The following HEATR6 variants were observed in gnomAD, a reference collection of about 807,000 sequenced individuals.
HEATR6 encodes the protein HEAT repeat-containing protein 6.
HEATR6 carries 106 observed loss-of-function variants against 132.8 expected under a neutral mutation model. The ratio of observed to expected loss-of-function variants is 0.80; its 90% confidence interval spans 0.68 to 0.94. HEATR6 has a LOEUF of 0.94. Ranked by LOEUF, HEATR6 falls within the 40% of genes least tolerant of loss-of-function variation. The pLI is 0.00. For missense variants in HEATR6, 1,339 were observed against 1,425.1 expected (o/e 0.94, Z 0.97); for synonymous variants, 529 against 537.8 (o/e 0.98, Z 0.23).
intron 7 of HEATR6, 83 bp from the exon 8 acceptor site, chr17:60,067,815 G>A (rs986932149): frequency 7.1e-6 from 8 of 1,132,548 alleles, no homozygotes; most frequent in Non-Finnish European, 8.8e-6. Context: ...TCATTTTAAA[G>A]TGACTAAATA....
In HEATR6 at chr17:60,046,165, T is replaced by C; in HGVS notation, c.2834A>G (p.Glu945Gly). ...AATGATTTCTGCAAATGTGGGTTTT[T>C]CTATATGAGAGGGTTGCAGAAAATG... Reference protein sequence around the residue: ...LLHFLQPSHIEKPTFAEIIEE... With the variant: ...LLHFLQPSHIGKPTFAEIIEE... Residue 945 changes from glutamate (E) to glycine (G), a missense_variant, in exon 19 of 20, where the codon GAA (glutamate) becomes GGA (glycine). Transcript: ENST00000184956. 1 of 1,614,082 alleles carries C rather than the reference T, an allele frequency of 6.2e-7. No homozygotes were observed. The highest frequency in any genetic ancestry group is 8.5e-7 in the Non-Finnish European group (1 of 1,179,980).
chr17:60,075,840 C>CA (rs772457086), intron 2 of HEATR6: 1,702 of 61,016 alleles, frequency 0.028, 10 homozygotes, highest in African/African-American at 0.053. Flanking sequence ...AACTCTGTCT[C>CA]AAAAAAAAAA....
chr17:60,075,289 G>A lies in HEATR6; in HGVS notation c.327+841C>T, dbSNP rs73994290. 5.0e-3 allele frequency among the ~76,000 whole-genome samples: 763 copies of A among 152,320 alleles called. 4 individuals carry two copies. The highest frequency in any genetic ancestry group is 0.017 in the African/African-American group (713 of 41,566). On this transcript the variant is annotated intron_variant, in intron 2 of 19. Transcript: ENST00000184956. Reference sequence around the variant, plus strand: ...TGCTGAGGACGGTGAAGGGAAAGATGAGCCTCTTATTATTAAGGGGCTACA... The same window carrying A: ...TGCTGAGGACGGTGAAGGGAAAGATAAGCCTCTTATTATTAAGGGGCTACA...
chr17:60,073,311 G>A, intron 3 of HEATR6, 32 bp from the exon 4 acceptor site: 1 of 1,237,920 alleles, frequency 8.1e-7, no homozygotes, highest in Non-Finnish European at 1.2e-6. Flanking sequence ...GTAGGTCAAA[G>A]AAAAGCTTCT....
intron 16 of HEATR6, 54 bp downstream of exon 16, chr17:60,049,526 G>A: frequency 6.2e-7 from 1 of 1,602,150 alleles, no homozygotes; most frequent in Non-Finnish European, 8.5e-7. Context: ...CACAAAATAG[G>A]GGTGTCATGG....
At chr17:60,051,561 C>T (rs1906577845) in intron 14 of HEATR6, among the ~76,000 whole-genome samples, 1 of 152,180 alleles carries the variant, frequency 6.6e-6, no homozygotes, top group Non-Finnish European at 1.5e-5. Context: ...GGGCCTGGTA[C>T]ACAGTGGACA....
rs372599365 is a variant in HEATR6, at chr17:60,043,901, T to G, written c.3208A>C (p.Thr1070Pro). The change falls in exon 20 of 20, where the codon ACC (threonine) becomes CCC (proline). Residue 1070 changes from threonine (T) to proline (P), a missense_variant. Physicochemically the swap from Thr to Pro is conservative, Grantham distance 38. Transcript: ENST00000184956. ...TGAATCAGTGCCTGGCAGATTTGGG[T>G]CCGTAGGCTGACACAGTACTTGAAT... Reference protein sequence around the residue: ...LEFKYCVSLRTQICQALIHLL... With the variant: ...LEFKYCVSLRPQICQALIHLL... The G allele has an allele frequency of 2.5e-6, 4 of 1,614,172 alleles. No individual in the cohort carries two copies. The highest frequency in any genetic ancestry group is 3.4e-6 in the Non-Finnish European group (4 of 1,180,010).
At position 60,043,597 on chromosome 17, in the gene HEATR6, G is replaced by A; in HGVS notation, c.3512C>T (p.Ser1171Leu). The change falls in exon 20 of 20, where the codon TCA becomes TTA. Residue 1171 changes from serine to leucine, a missense_variant. Transcript: ENST00000184956. The part of the protein sequence containing the change: ...ILAVCFDSSG[S>L]QGALPGLTNQ Reference sequence around the variant, plus strand: ...TGTTAACCCTGGGAGTGCCCCTTGTGATCCAGATGAGTCAAAACAAACGGC... The same window carrying A: ...TGTTAACCCTGGGAGTGCCCCTTGTAATCCAGATGAGTCAAAACAAACGGC... 1.9e-6 allele frequency: 3 copies of A among 1,613,740 alleles called. No homozygotes were observed. The highest frequency in any genetic ancestry group is 2.5e-6 in the Non-Finnish European group (3 of 1,179,722).
At chr17:60,071,000 C>T (rs1253001629) in intron 5 of HEATR6, among the ~76,000 whole-genome samples, 193 bp from the exon 6 acceptor site, 9 of 152,074 alleles carry the variant, frequency 5.9e-5, no homozygotes, top group Non-Finnish European at 1.0e-4. Context: ...ACCATGAATT[C>T]TTTTCTAGAA....
At chr17:60,052,754 C>G (rs958571898) in intron 14 of HEATR6, among the ~76,000 whole-genome samples, 1 of 152,138 alleles carries the variant, frequency 6.6e-6, no homozygotes, top group African/African-American at 2.4e-5. Flanking sequence ...GGTGTGGTCA[C>G]ATGCCCTTCA....
At chr17:60,076,400 T>C in intron 1 of HEATR6, 163 bp from the exon 2 acceptor site, 3 of 572,698 alleles carry the variant, frequency 5.2e-6, no homozygotes, top group Non-Finnish European at 9.3e-6. Context: ...AAAAACAGCA[T>C]GTGCTAAAAA....
At chr17:60,062,622 G>A (rs1031364636) in intron 9 of HEATR6, among the ~76,000 whole-genome samples, 2 of 152,108 alleles carry the variant, frequency 1.3e-5, no homozygotes, top group African/African-American at 2.4e-5. Context: ...TTCCATGCAG[G>A]GCACATGACT....
At position 60,066,356 on chromosome 17, in the gene HEATR6, G is replaced by A. The variant is rs1447830540; in HGVS notation, c.1269C>T (p.Ala423=). 6 of 1,611,268 alleles carry A rather than the reference G, an allele frequency of 3.7e-6. No individual in the cohort carries two copies. The Admixed American group carries it at 6.7e-5, about 18-fold the overall frequency. ...RSYQAKVRQG[A]LVCFLSTIKS... is the part of the protein sequence containing the mutation. ...TTATAGTAGAAAGAAAACAAACTAA[G>A]GCTCCTTGGCGAACTTTAGCTTGGT... The change falls in exon 9 of 20, where the codon GCC becomes GCT. Residue 423 remains alanine, a synonymous_variant. Coordinates refer to ENST00000184956, the MANE Select transcript of HEATR6 (RefSeq NM_022070.5).
At chr17:60,060,683 C>T (rs2083205721) in intron 9 of HEATR6, among the ~76,000 whole-genome samples, 1 of 152,192 alleles carries the variant, frequency 6.6e-6, no homozygotes, top group Non-Finnish European at 1.5e-5. Flanking sequence ...TCATATTCCA[C>T]TCTGAAGTAT....
At chr17:60,062,207 T>C (rs555384978) in intron 9 of HEATR6, among the ~76,000 whole-genome samples, 13 of 152,378 alleles carry the variant, frequency 8.5e-5, no homozygotes, top group African/African-American at 3.1e-4. Context: ...TTTGCTCTTA[T>C]ATCAATATTT....
At chr17:60,072,361 CA>C (rs1319567178) in intron 4 of HEATR6, 32 bp from the exon 5 acceptor site, 3 of 1,238,778 alleles carry the variant, frequency 2.4e-6, no homozygotes, top group Non-Finnish European at 3.5e-6. Flanking sequence ...AACTCAAACT[CA>C]GTCTCCTTTA....
intron 8 of HEATR6, among the ~76,000 whole-genome samples, chr17:60,066,853 G>A (rs182282249): frequency 6.6e-6 from 1 of 152,284 alleles, no homozygotes; most frequent in African/African-American, 2.4e-5. Context: ...TAACACCAAG[G>A]CAGAAAAGGC....
chr17:60,078,582 A>G, intron 1 of HEATR6, 114 bp downstream of exon 1: 1 of 828,226 alleles, frequency 1.2e-6, no homozygotes, highest in South Asian at 1.7e-5. Flanking sequence ...GCCATCCTGA[A>G]ACTAAATCAT....
chr17:60,065,737 G>A (rs1392312371), intron 9 of HEATR6, among the ~76,000 whole-genome samples: 1 of 152,080 alleles, frequency 6.6e-6, no homozygotes, highest in Non-Finnish European at 1.5e-5. Context: ...AATCATGTTT[G>A]GGATCCTACT....
Sources: gnomAD v4.1 joint callset for allele counts (sites outside exome capture counted in the v4.1 genomes callset) on GRCh38, gnomAD v4.1.1 for gene constraint, MANE v1.5 for transcripts, NCBI Gene and HGNC (gene_info 2026-07-23, HGNC 2026-07-21) for gene names.